PDE11A: variants seen among roughly 807,000 people sequenced by gnomAD.
The protein encoded by PDE11A is phosphodiesterase 11A, also known as dual 3',5'-cyclic-AMP and -GMP phosphodiesterase 11A.
Under a neutral mutation model 100.5 loss-of-function variants are expected in PDE11A, and 100 were observed. The observed-to-expected ratio is 1.00, with a 90% CI of 0.85 to 1.18. The LOEUF (loss-of-function observed/expected upper bound fraction) is 1.18, where lower values mean the gene tolerates loss of function less well. Among genes scored for constraint, PDE11A ranks in the 50% most tolerant of loss-of-function variants. The probability of loss-of-function intolerance (pLI) is 0.00; values close to 1 mark genes in which losing one functional copy is unlikely to be tolerated. For synonymous variants in PDE11A, 381 were observed against 420.8 expected, an observed-to-expected ratio of 0.91 and a Z score of 1.16; for missense variants, 1,141 against 1,152.6, an observed-to-expected ratio of 0.99 and a Z score of 0.15.
At chr2:177,945,349 G>A (rs1329980104) in intron 2 of PDE11A, among the ~76,000 whole-genome samples, 68 of 137,340 alleles carry the variant, frequency 5.0e-4, no homozygotes, top group Middle Eastern at 3.9e-3. Context: ...GTCTCCGCCC[G>A]GCCGCCATCC....
Position 177,711,755 on chromosome 2 carries a change from T to C in PDE11A, c.2153+14A>G. 7.4e-7 allele frequency: 1 copy of C among 1,357,720 alleles called. No homozygotes were observed. The highest frequency in any genetic ancestry group is 1.1e-6 in the Non-Finnish European group (1 of 946,184). 84.1% of individuals were successfully genotyped at this position (1,357,720 alleles called of 1,614,324 possible). On this transcript the variant is annotated intron_variant, in intron 13 of 19. Transcript: ENST00000286063. ...GGCAAATGCATTAAAATAACAACAG[T>C]TTAGAACACTTACTTAGCTTGGAAG...
intron 18 of PDE11A, among the ~76,000 whole-genome samples, chr2:177,665,079 T>C (rs917094763): frequency 2.0e-5 from 3 of 152,054 alleles, no homozygotes; most frequent in African/African-American, 7.2e-5. Flanking sequence ...CAATGGAAGA[T>C]GGGAAATAGC....
chr2:177,695,078 TGTAATA>T (rs2081090582), intron 15 of PDE11A, among the ~76,000 whole-genome samples: 1 of 151,546 alleles, frequency 6.6e-6, no homozygotes, highest in African/African-American at 2.4e-5. Context: ...GTTTTCTGCA[TGTAATA>T]GTAAGGTATT....
intron 13 of PDE11A, among the ~76,000 whole-genome samples, chr2:177,709,037 T>A (rs1404236645): frequency 3.3e-5 from 5 of 152,042 alleles, no homozygotes; most frequent in African/African-American, 1.2e-4. Context: ...AGCAGAGAGA[T>A]GTGACTGAGC....
intron 2 of PDE11A, among the ~76,000 whole-genome samples, chr2:177,911,649 C>A (rs555348886): frequency 6.6e-6 from 1 of 152,038 alleles, no homozygotes; most frequent in South Asian, 2.1e-4. Context: ...TTTGGGAGGC[C>A]GAGGCAGGTG....
intron 10 of PDE11A, among the ~76,000 whole-genome samples, chr2:177,744,717 C>A (rs1371366273): frequency 6.6e-6 from 1 of 152,206 alleles, no homozygotes; most frequent in East Asian, 1.9e-4. Context: ...GCCTCCCTAG[C>A]AATGATGATG....
rs550011074 is a variant in PDE11A, at chr2:177,756,629, G to A, written c.1788+12694C>T. 4.1e-4 allele frequency among the ~76,000 whole-genome samples: 63 copies of A among 152,284 alleles called. 1 individual carries two copies. The highest frequency in any genetic ancestry group is 2.9e-3 in the South Asian group (14 of 4,820). On this transcript the variant is annotated intron_variant, in intron 10 of 19. Transcript: ENST00000286063. ...GTCTCCATCTCCAGGAAGGCCAGAGGTGAATTATAGTATGTGTTAGGAAAA... is the reference window on the plus strand; with the variant it reads ...GTCTCCATCTCCAGGAAGGCCAGAGATGAATTATAGTATGTGTTAGGAAAA...
At chr2:177,687,699 T>G (rs1483429373) in intron 15 of PDE11A, 1 of 152,238 alleles carries the variant, frequency 6.6e-6, no homozygotes, top group Non-Finnish European at 1.5e-5. Context: ...TATGAATATG[T>G]ACATGTATAT....
At chr2:178,044,324 T>G (rs748157282) in intron 1 of PDE11A, among the ~76,000 whole-genome samples, 33 of 82,242 alleles carry the variant, frequency 4.0e-4, no homozygotes, top group Non-Finnish European at 9.2e-4. Flanking sequence ...TTTTACCATA[T>G]TTTCCAAAAA....
chr2:177,926,277 A>AT (rs1338877406), intron 2 of PDE11A, among the ~76,000 whole-genome samples: 1 of 152,172 alleles, frequency 6.6e-6, no homozygotes, highest in African/African-American at 2.4e-5. Context: ...CTTCTACTAA[A>AT]TTTTTTTAAA....
chr2:177,896,749 A>C (rs572779289), intron 4 of PDE11A, among the ~76,000 whole-genome samples: 3 of 152,282 alleles, frequency 2.0e-5, no homozygotes, highest in African/African-American at 7.2e-5. Context: ...AGTAACACCT[A>C]CCTTATAAGA....
chr2:177,677,006 G>C (rs1400670617), intron 16 of PDE11A, among the ~76,000 whole-genome samples: 1 of 152,208 alleles, frequency 6.6e-6, no homozygotes, highest in Non-Finnish European at 1.5e-5. Context: ...ACTGGAGGGG[G>C]ACAAGACTGG....
At chr2:177,644,795 T>C (rs1460397821) in intron 19 of PDE11A, among the ~76,000 whole-genome samples, 1 of 152,194 alleles carries the variant, frequency 6.6e-6, no homozygotes, top group African/African-American at 2.4e-5. Flanking sequence ...GGGAGGTGAT[T>C]GAATTATGTG....
rs114649648 is a variant in PDE11A, at chr2:177,782,074, C to T, written c.1738-12701G>A. Among the ~76,000 whole-genome samples, 1,088 of 152,328 alleles carry T rather than the reference C, an allele frequency of 7.1e-3. 10 individuals carry two copies. Among genetic ancestry groups the T allele is most frequent in the Middle Eastern group, 0.024 (7 of 294 alleles). ...TAAGATGCATTCATAAGGCTAAATA[C>T]TATTCATTAGCTAGTACATAATGAC... On this transcript the variant is annotated intron_variant, in intron 9 of 19. Coordinates refer to ENST00000286063, the MANE Select transcript of PDE11A (RefSeq NM_016953.4).
intron 2 of PDE11A, among the ~76,000 whole-genome samples, chr2:177,990,035 A>G (rs1044555724): frequency 2.0e-5 from 3 of 152,118 alleles, no homozygotes; most frequent in East Asian, 3.8e-4. Context: ...CCAACCTAAA[A>G]CTCACACCAC....
At position 177,636,790 on chromosome 2, in the gene PDE11A, A is replaced by G. The variant is rs933083874; in HGVS notation, c.2647-7228T>C. Among the ~76,000 whole-genome samples, 79 of 152,134 alleles carry G rather than the reference A, an allele frequency of 5.2e-4. 1 individual carries two copies. The highest frequency in any genetic ancestry group is 1.0e-4 in the Non-Finnish European group (7 of 68,024). ...AGTAGCATCCCTCCCCAAAGTTGTG[A>G]CCACCAAAAATGTCTCCAGATATTG... On this transcript the variant is annotated intron_variant, in intron 19 of 19. Coordinates refer to ENST00000286063, the MANE Select transcript of PDE11A (RefSeq NM_016953.4).
intron 2 of PDE11A, among the ~76,000 whole-genome samples, chr2:177,944,822 C>CCACGG (rs1553492483): frequency 6.2e-5 from 8 of 128,926 alleles, no homozygotes; most frequent in East Asian, 2.4e-4. Flanking sequence ...CTCCCTCTCC[C>CCACGG]TCTCCCTCTC....
At chr2:177,938,680 A>G (rs2085307580) in intron 2 of PDE11A, among the ~76,000 whole-genome samples, 1 of 152,222 alleles carries the variant, frequency 6.6e-6, no homozygotes, top group Admixed American at 6.5e-5. Context: ...AGTGAGGTGT[A>G]GTGTAGATTC....
In PDE11A at chr2:177,660,075, CTTTCTTTCTTTCTTTCTTTCTT is replaced by C. The variant is rs1160418150; in HGVS notation, c.2646+3769_2646+3790del. 2.6e-3 allele frequency among the ~76,000 whole-genome samples: 87 copies of C among 33,090 alleles called. 5 individuals carry two copies. Among genetic ancestry groups the C allele is most frequent in the African/African-American group, 7.3e-3 (77 of 10,544 alleles). 21.7% of individuals were successfully genotyped at this position (33,090 alleles called of 152,430 possible). The stretch of plus-strand genomic sequence containing the variant: ...TCTTTCTTTCTTTCTTTCTTTCTTT[CTTTCTTTCTTTCTTTCTTTCTT>C]TCTCTCTCTCTCTCTTTCTTTCTTT... On this transcript the variant is annotated intron_variant, in intron 19 of 19. Transcript: ENST00000286063.
Sources: allele counts gnomAD v4.1 joint callset (sites outside exome capture counted in the v4.1 genomes callset), GRCh38; gene constraint gnomAD v4.1.1; transcripts MANE v1.5; gene names NCBI Gene and HGNC (gene_info 2026-07-23, HGNC 2026-07-21).